HIVEP3: variants seen among roughly 807,000 people sequenced by gnomAD.
HIVEP3 encodes HIVEP zinc finger 3.
HIVEP3 carries 49 observed loss-of-function variants against 152.8 expected under a neutral mutation model. That is an observed-to-expected ratio of 0.32 (90% CI 0.26 to 0.41). HIVEP3 has a LOEUF of 0.41. HIVEP3 is among the 10% of genes least tolerant of loss of function. HIVEP3 has a pLI of 1.00. For synonymous variants in HIVEP3, 1,269 were observed against 1,289.0 expected, an observed-to-expected ratio of 0.98 and a Z score of 0.33; for missense variants, 2,790 against 3,103.3, an observed-to-expected ratio of 0.90 and a Z score of 2.40.
At chr1:41,592,700 T>C (rs1644604925) in intron 3 of HIVEP3, among the ~76,000 whole-genome samples, 1 of 152,216 alleles carries the variant, frequency 6.6e-6, no homozygotes, top group South Asian at 2.1e-4. Flanking sequence ...TGAGCTATAG[T>C]TGCTGACACC....
At chr1:41,805,576 T>C (rs1474873116) in intron 1 of HIVEP3, among the ~76,000 whole-genome samples, 2 of 152,188 alleles carry the variant, frequency 1.3e-5, no homozygotes, top group East Asian at 1.9e-4. Flanking sequence ...GAGATGATAA[T>C]GACACCACCT....
chr1:41,830,483 G>A (rs1482964487), intron 1 of HIVEP3, among the ~76,000 whole-genome samples: 1 of 152,146 alleles, frequency 6.6e-6, no homozygotes, highest in Non-Finnish European at 1.5e-5. Context: ...CATTCTTCTG[G>A]CTGCTGGGAA....
At chr1:41,574,590 C>T (rs914207760) in intron 5 of HIVEP3, among the ~76,000 whole-genome samples, 8 of 152,204 alleles carry the variant, frequency 5.3e-5, no homozygotes, top group Non-Finnish European at 8.8e-5. Context: ...GTGCCTCCCA[C>T]GCTGACCCTG....
intron 1 of HIVEP3, among the ~76,000 whole-genome samples, chr1:41,837,757 C>G (rs1170643360): frequency 1.3e-5 from 2 of 152,206 alleles, no homozygotes; most frequent in Non-Finnish European, 2.9e-5. Context: ...TTTCTTCCCC[C>G]TGAATCCCTA....
intron 1 of HIVEP3, among the ~76,000 whole-genome samples, chr1:41,800,769 T>C (rs930401515): frequency 3.3e-5 from 5 of 152,204 alleles, no homozygotes; most frequent in Non-Finnish European, 5.9e-5. Flanking sequence ...CCTTTCACTA[T>C]ATATGCAAAG....
intron 3 of HIVEP3, among the ~76,000 whole-genome samples, chr1:41,600,266 T>C (rs919884789): frequency 1.3e-5 from 2 of 152,172 alleles, no homozygotes; most frequent in African/African-American, 4.8e-5. Context: ...TATGTGTACA[T>C]CTATGTTCAT....
At position 41,857,483 on chromosome 1, in the gene HIVEP3, A is replaced by T. The variant is rs1012995198; in HGVS notation, c.-801+60930T>A. 3.3e-5 allele frequency among the ~76,000 whole-genome samples: 5 copies of T among 151,632 alleles called. No individual in the cohort carries two copies. The South Asian group carries it at 1.0e-3, about 31-fold the overall frequency. ...TTAAAGAAGAATGTATTTCAAGTAC[A>T]ACTCAGTTTAACCAAGTATAGAAAA... On this transcript the variant is annotated intron_variant, in intron 1 of 8. Coordinates refer to ENST00000372583, the MANE Select transcript of HIVEP3 (RefSeq NM_024503.5).
At chr1:41,737,483 A>G (rs710232) in intron 1 of HIVEP3, among the ~76,000 whole-genome samples, 33,300 of 152,082 alleles carry the variant, frequency 0.22, 9,509 homozygotes, top group African/African-American at 0.66. Context: ...CTTCCCCAAA[A>G]GGCTGAGCAT....
chr1:41,789,342 G>C (rs1394669092), intron 1 of HIVEP3, among the ~76,000 whole-genome samples: 1 of 152,178 alleles, frequency 6.6e-6, no homozygotes, highest in Non-Finnish European at 1.5e-5. Context: ...CTCACAAAGT[G>C]ACTGAGGAGG....
intron 5 of HIVEP3, among the ~76,000 whole-genome samples, chr1:41,544,652 TACC>T (rs1196709351): frequency 3.0e-5 from 3 of 100,366 alleles, no homozygotes; most frequent in Non-Finnish European, 6.1e-5. Context: ...CCACCACCAC[TACC>T]ACCACTACTA....
At chr1:41,737,148 C>A (rs191172919) in intron 1 of HIVEP3, among the ~76,000 whole-genome samples, 1 of 152,172 alleles carries the variant, frequency 6.6e-6, no homozygotes, top group Admixed American at 6.5e-5. Context: ...ATCTAATTGG[C>A]CAGGGTTTGA....
chr1:41,673,745 T>G (rs552246700), intron 2 of HIVEP3, among the ~76,000 whole-genome samples: 1 of 152,316 alleles, frequency 6.6e-6, no homozygotes, highest in African/African-American at 2.4e-5. Context: ...GAGTCTAAAT[T>G]GCACATGCTG....
chr1:42,015,551 C>T (rs1382198603), intron 1 of HIVEP3, among the ~76,000 whole-genome samples: 1 of 152,272 alleles, frequency 6.6e-6, no homozygotes. Context: ...CTCCTCCTCT[C>T]TTCTCACCAA....
chr1:41,975,637 T>C (rs556695649), intron 1 of HIVEP3, among the ~76,000 whole-genome samples: 2 of 152,312 alleles, frequency 1.3e-5, no homozygotes, highest in East Asian at 3.9e-4. Context: ...TTAGGATGAG[T>C]CTATCTGAGC....
intron 3 of HIVEP3, among the ~76,000 whole-genome samples, chr1:41,586,403 C>A (rs2149111383): frequency 6.6e-6 from 1 of 152,368 alleles, no homozygotes; most frequent in South Asian, 2.1e-4. Flanking sequence ...GTGTTGCTAA[C>A]AGGCAGTGTT....
At chr1:41,916,738 G>C (rs536483971) in intron 1 of HIVEP3, among the ~76,000 whole-genome samples, 2 of 152,244 alleles carry the variant, frequency 1.3e-5, no homozygotes, top group Non-Finnish European at 2.9e-5. Flanking sequence ...GAGCACAAGT[G>C]ACACCCTAGT....
intron 1 of HIVEP3, among the ~76,000 whole-genome samples, chr1:41,931,207 T>C (rs1644994263): frequency 6.6e-6 from 1 of 152,122 alleles, no homozygotes; most frequent in South Asian, 2.1e-4. Context: ...TCATATTTTC[T>C]CCTGTGATTT....
At chr1:41,952,899 G>A (rs12404436) in intron 1 of HIVEP3, among the ~76,000 whole-genome samples, 1 of 151,922 alleles carries the variant, frequency 6.6e-6, no homozygotes, top group African/African-American at 2.4e-5. Flanking sequence ...TTCTTAGAAG[G>A]TGTCAAGTCA....
At chr1:41,546,206 C>T (rs1643799862) in intron 5 of HIVEP3, among the ~76,000 whole-genome samples, 1 of 152,190 alleles carries the variant, frequency 6.6e-6, no homozygotes, top group Non-Finnish European at 1.5e-5. Context: ...GCACCTCAAC[C>T]AGTGGTCCCC....
Sources: gnomAD v4.1 joint callset for allele counts (sites outside exome capture counted in the v4.1 genomes callset) on GRCh38, gnomAD v4.1.1 for gene constraint, MANE v1.5 for transcripts, NCBI Gene and HGNC (gene_info 2026-07-23, HGNC 2026-07-21) for gene names.